SV2B: variants seen among roughly 807,000 people sequenced by gnomAD.
SV2B encodes the protein solute carrier family 22 member B2.
SV2B carries 41 observed loss-of-function variants against 73.9 expected under a neutral mutation model. The ratio of observed to expected loss-of-function variants is 0.56; its 90% CI spans 0.43 to 0.72. SV2B has a LOEUF of 0.72. SV2B is among the 30% of genes least tolerant of loss of function. The pLI, the probability that SV2B is intolerant of heterozygous loss-of-function variation, is 0.00. For synonymous variants in SV2B, 314 were observed against 314.2 expected (o/e 1.00, Z 0.01); for missense variants, 764 against 857.8 (o/e 0.89, Z 1.37).
In SV2B at chr15:91,107,825, G is replaced by T. The variant is rs149441273; in HGVS notation, c.-392+7462G>T. ...GGGATCTTGCTATGCTGCCCAGGCT[G>T]GTCTTGAACTCATGGGCTCAAGTGA... On this transcript the variant is annotated intron_variant, in intron 1 of 12. Coordinates refer to ENST00000394232, the MANE Select transcript of SV2B (RefSeq NM_001323032.3). 8.3e-3 allele frequency among the ~76,000 whole-genome samples: 1,270 copies of T among 152,242 alleles called. 20 individuals carry two copies. Among genetic ancestry groups the T allele is most frequent in the African/African-American group, 0.028 (1,169 of 41,536 alleles).
chr15:91,291,743 C>T (rs918009627), intron 12 of SV2B, among the ~76,000 whole-genome samples: 6 of 152,264 alleles, frequency 3.9e-5, no homozygotes, highest in Non-Finnish European at 8.8e-5. Context: ...ATGAAACCAT[C>T]TGTGTTCCAT....
At chr15:91,153,491 T>A (rs2043380111) in intron 1 of SV2B, among the ~76,000 whole-genome samples, 1 of 152,118 alleles carries the variant, frequency 6.6e-6, no homozygotes, top group African/African-American at 2.4e-5. Flanking sequence ...TCCCCATCCC[T>A]CATGGGGATA....
In SV2B at chr15:91,123,671, G is replaced by C. The variant is rs1207544842; in HGVS notation, c.-392+23308G>C. Among the ~76,000 whole-genome samples, 1 of 152,156 alleles carries C rather than the reference G, an allele frequency of 6.6e-6. No individual in the cohort carries two copies. Among genetic ancestry groups the C allele is most frequent in the Non-Finnish European group, 1.5e-5 (1 of 68,024 alleles). ...TTGCTGAAGGCCAGTTATTTGTCTA[G>C]CACTTTCTGAAGAGTAGACGTGAGG... On this transcript the variant is annotated intron_variant, in intron 1 of 12. Transcript: ENST00000394232. The surrounding 1 kb of genome is among the most constrained non-coding windows in gnomAD (Gnocchi z 4.7).
At chr15:91,275,370 C>T (rs2048450744) in intron 9 of SV2B, among the ~76,000 whole-genome samples, 1 of 152,152 alleles carries the variant, frequency 6.6e-6, no homozygotes, top group Admixed American at 6.5e-5. Context: ...TCTATTACTT[C>T]ACTTTTAGTG....
chr15:91,100,401 C>G lies in SV2B; in HGVS notation c.-392+38C>G, dbSNP rs2041688660. 1 of 152,370 alleles carries G rather than the reference C, an allele frequency of 6.6e-6. No homozygotes were observed. Among genetic ancestry groups the G allele is most frequent in the South Asian group, 2.1e-4 (1 of 4,834 alleles). The allele number at this position is 152,370 out of a possible 1,614,324, so 9.4% of individuals were successfully genotyped here. A position where few individuals can be genotyped will look rare whatever the true frequency, so the allele number is the denominator to read the frequency against. ...GTTGCTCGCTGCGGTGCAACCGACC[C>G]AGCCGGGGCGCGGACCCCGCGTGCG... On this transcript the variant is annotated intron_variant, in intron 1 of 12. Coordinates refer to ENST00000394232, the MANE Select transcript of SV2B (RefSeq NM_001323032.3). This position sits in a 1 kb window ranked among gnomAD's most constrained non-coding sequence, Gnocchi z 6.4.
At chr15:91,171,832 G>A (rs915550846) in intron 1 of SV2B, among the ~76,000 whole-genome samples, 4 of 152,132 alleles carry the variant, frequency 2.6e-5, no homozygotes, top group African/African-American at 9.7e-5. Context: ...GTTTGAAAGT[G>A]GTTGGCTGTT....
chr15:91,205,370 C>CT (rs869061452), intron 1 of SV2B, among the ~76,000 whole-genome samples: 87 of 142,786 alleles, frequency 6.1e-4, no homozygotes, highest in East Asian at 1.2e-3. Flanking sequence ...GATAACATTT[C>CT]TTTTTTTTTT....
At chr15:91,159,038 C>T (rs576642413) in intron 1 of SV2B, among the ~76,000 whole-genome samples, 12 of 152,036 alleles carry the variant, frequency 7.9e-5, no homozygotes, top group African/African-American at 2.4e-4. Flanking sequence ...GGTGGCCGGG[C>T]GTGATGAGGC....
chr15:91,255,350 C>A (rs1056387205), intron 4 of SV2B, among the ~76,000 whole-genome samples: 2 of 152,090 alleles, frequency 1.3e-5, no homozygotes, highest in Non-Finnish European at 2.9e-5. Context: ...GATGATTATT[C>A]TAAATTAAGT....
chr15:91,152,979 T>C (rs1190303780), intron 1 of SV2B, among the ~76,000 whole-genome samples: 1 of 152,136 alleles, frequency 6.6e-6, no homozygotes, highest in Non-Finnish European at 1.5e-5. Context: ...CAGATTCGTG[T>C]CTGGAGGGGG....
At chr15:91,257,093 C>G (rs963451189) in intron 4 of SV2B, among the ~76,000 whole-genome samples, 9 of 152,056 alleles carry the variant, frequency 5.9e-5, no homozygotes, top group Admixed American at 1.3e-4. Context: ...ATGAGAAAAC[C>G]AGTCTATTTT....
intron 9 of SV2B, among the ~76,000 whole-genome samples, chr15:91,271,802 A>G (rs899651353): frequency 1.3e-5 from 2 of 152,086 alleles, no homozygotes; most frequent in Non-Finnish European, 2.9e-5. Context: ...TGAAAACCCC[A>G]ACCCTCTTCT....
rs60896008 is a variant in SV2B, at chr15:91,147,965, C to CTTTTT, written c.-392+47631_-392+47635dup. 7.4e-3 allele frequency among the ~76,000 whole-genome samples: 290 copies of CTTTTT among 39,320 alleles called. 35 individuals are homozygous for CTTTTT. The highest frequency in any genetic ancestry group is 8.9e-3 in the Non-Finnish European group (202 of 22,690). 25.8% of individuals were successfully genotyped at this position (39,320 alleles called of 152,430 possible). A position where few individuals can be genotyped will look rare whatever the true frequency, so the allele number is the denominator to read the frequency against. On this transcript the variant is annotated intron_variant, in intron 1 of 12. Transcript: ENST00000394232. Reference sequence around the variant, plus strand: ...GTTCCCCACCCCGCACCCCCCCCAACTTTTTTTTTTTTTTTTTTTTTTTTT... The same window carrying CTTTTT: ...GTTCCCCACCCCGCACCCCCCCCAACTTTTTTTTTTTTTTTTTTTTTTTTTTTTTT...
chr15:91,176,518 G>C lies in SV2B; in HGVS notation c.-391-49355G>C, dbSNP rs564145061. 2.6e-4 allele frequency among the ~76,000 whole-genome samples: 39 copies of C among 152,254 alleles called. No individual in the cohort carries two copies. In the East Asian group the frequency reaches 5.0e-3, roughly 20 times the overall value. On this transcript the variant is annotated intron_variant, in intron 1 of 12. Coordinates refer to ENST00000394232, the MANE Select transcript of SV2B (RefSeq NM_001323032.3). ...TTACAGTCCCACCAACAGTGTAAAA[G>C]TGTTCCTATTTCTCCACATCCTCTC...
In SV2B at chr15:91,228,625, GC is replaced by G. The variant is rs200153656; in HGVS notation, c.451+1912del. The stretch of plus-strand genomic sequence containing the variant: ...TTAACAGGGCTGCAGTATGGTTGCA[GC>G]TCTTGCTGGCTCCTAGGGCAAATGC... On this transcript the variant is annotated intron_variant, in intron 2 of 12. Transcript: ENST00000394232. Among the ~76,000 whole-genome samples, 272 of 152,362 alleles carry G rather than the reference GC, an allele frequency of 1.8e-3. 2 individuals carry two copies. The highest frequency in any genetic ancestry group is 2.9e-3 in the Non-Finnish European group (199 of 68,038).
At position 91,301,876 on chromosome 15, in the gene SV2B, C is replaced by T. The variant is rs572076485; in HGVS notation, c.*9324C>T. On this transcript the variant is annotated 3_prime_UTR_variant, in exon 13 of 13. Coordinates refer to ENST00000394232, the MANE Select transcript of SV2B (RefSeq NM_001323032.3). This position sits in a 1 kb window ranked among gnomAD's most constrained non-coding sequence, Gnocchi z 4.3. ...AAAAGTTTTCAATTTGGGAGCATTT[C>T]GGATTTTTGACTTTTGGATTTGGAT... Among the ~76,000 whole-genome samples, 111 of 152,262 alleles carry T rather than the reference C, an allele frequency of 7.3e-4. No individual in the cohort carries two copies. Among genetic ancestry groups the T allele is most frequent in the African/African-American group, 2.4e-3 (99 of 41,560 alleles).
chr15:91,120,219 G>A (rs1051189480), intron 1 of SV2B, among the ~76,000 whole-genome samples: 1 of 152,168 alleles, frequency 6.6e-6, no homozygotes, highest in African/African-American at 2.4e-5. Flanking sequence ...GCATGACTGG[G>A]AGGCCTCAGG....
At chr15:91,173,779 A>G (rs1048124517) in intron 1 of SV2B, among the ~76,000 whole-genome samples, 3 of 152,236 alleles carry the variant, frequency 2.0e-5, no homozygotes, top group Admixed American at 6.5e-5. Context: ...AATCAAAGTC[A>G]TCTTGTAAAT....
At chr15:91,215,412 A>G (rs1331333513) in intron 1 of SV2B, among the ~76,000 whole-genome samples, 1 of 152,164 alleles carries the variant, frequency 6.6e-6, no homozygotes, top group Non-Finnish European at 1.5e-5. Context: ...AGCTAACACC[A>G]GGTGATTCTC....
Sources: allele counts gnomAD v4.1 joint callset (sites outside exome capture counted in the v4.1 genomes callset), GRCh38; gene constraint gnomAD v4.1.1; non-coding constraint Gnocchi (gnomAD v3.1); transcripts MANE v1.5; gene names NCBI Gene and HGNC (gene_info 2026-07-23, HGNC 2026-07-21).